Variants in MACROD2 observed in about 807,000 individuals in gnomAD.
The protein encoded by MACROD2 is ADP-ribose glycohydrolase MACROD2.
In MACROD2, 36 loss-of-function variants were observed where a neutral mutation model predicts 70.4. The observed-to-expected ratio is 0.51, with a 90% CI of 0.39 to 0.68. The LOEUF (loss-of-function observed/expected upper bound fraction) is 0.68. Among genes scored for constraint, MACROD2 ranks in the 30% least tolerant of loss-of-function variants. MACROD2 has a pLI of 0.00. For synonymous variants in MACROD2, 172 were observed against 178.8 expected, an observed-to-expected ratio of 0.96 and a Z score of 0.30; for missense variants, 496 against 538.4, an observed-to-expected ratio of 0.92 and a Z score of 0.78.
chr20:15,557,737 G>C (rs2048186733), intron 8 of MACROD2, among the ~76,000 whole-genome samples: 1 of 152,206 alleles, frequency 6.6e-6, no homozygotes, highest in Non-Finnish European at 1.5e-5. Context: ...AACACAGAGA[G>C]TACAGAAGGG....
intron 5 of MACROD2, among the ~76,000 whole-genome samples, chr20:15,197,387 G>A (rs868678820): frequency 2.0e-5 from 3 of 151,972 alleles, no homozygotes; most frequent in South Asian, 2.1e-4. Flanking sequence ...TATTCTTAGC[G>A]TTTTAAACAG....
chr20:15,974,624 A>C (rs893394931), intron 13 of MACROD2, among the ~76,000 whole-genome samples: 4 of 152,130 alleles, frequency 2.6e-5, no homozygotes, highest in Non-Finnish European at 5.9e-5. Flanking sequence ...GCCAAAACCC[A>C]TAGAATGTAC....
chr20:15,395,613 C>G lies in MACROD2; in HGVS notation c.541-35792C>G, dbSNP rs944725214. On this transcript the variant is annotated intron_variant, in intron 6 of 17. Coordinates refer to ENST00000684519, the MANE Select transcript of MACROD2 (RefSeq NM_001351661.2). Reference sequence around the variant, plus strand: ...ATAAATGAATGAGCCTGGCTGTGTTCCAATAAAACTTTATTTACAAAAAGC... The same window carrying G: ...ATAAATGAATGAGCCTGGCTGTGTTGCAATAAAACTTTATTTACAAAAAGC... Among the ~76,000 whole-genome samples, 17 of 152,228 alleles carry G rather than the reference C, an allele frequency of 1.1e-4. No individual in the cohort carries two copies. The East Asian group carries it at 3.3e-3, about 29-fold the overall frequency.
At chr20:15,570,304 A>G (rs1174436639) in intron 8 of MACROD2, among the ~76,000 whole-genome samples, 3 of 152,106 alleles carry the variant, frequency 2.0e-5, no homozygotes, top group Non-Finnish European at 4.4e-5. Context: ...AGTGATGTTG[A>G]GCATTTCTTC....
At chr20:14,650,550 T>C (rs1985626216) in intron 4 of MACROD2, among the ~76,000 whole-genome samples, 1 of 152,214 alleles carries the variant, frequency 6.6e-6, no homozygotes, top group African/African-American at 2.4e-5. Flanking sequence ...TAATTATCAT[T>C]CTTCTTACAA....
At chr20:14,780,199 A>G (rs957504383) in intron 5 of MACROD2, among the ~76,000 whole-genome samples, 4 of 152,124 alleles carry the variant, frequency 2.6e-5, no homozygotes, top group African/African-American at 7.3e-5. Flanking sequence ...GTTTCAAAAA[A>G]GCAAAAACAA....
At chr20:15,362,170 C>G (rs2078360130) in intron 6 of MACROD2, among the ~76,000 whole-genome samples, 1 of 152,046 alleles carries the variant, frequency 6.6e-6, no homozygotes, top group African/African-American at 2.4e-5. Flanking sequence ...CACCACCACA[C>G]CCAGTGAGTT....
At chr20:14,838,866 T>TCC (rs1364355666) in intron 5 of MACROD2, among the ~76,000 whole-genome samples, 1 of 151,978 alleles carries the variant, frequency 6.6e-6, no homozygotes, top group Admixed American at 6.6e-5. Flanking sequence ...TCCCCTTCAC[T>TCC]CCCCAGAACT....
chr20:15,588,415 ATT>A, intron 8 of MACROD2, among the ~76,000 whole-genome samples: 1 of 152,272 alleles, frequency 6.6e-6, no homozygotes, highest in African/African-American at 2.4e-5. Context: ...GGTCTTAGGG[ATT>A]AACATTAGGC....
chr20:15,919,748 G>GA (rs1000078597), intron 10 of MACROD2, among the ~76,000 whole-genome samples: 3 of 150,696 alleles, frequency 2.0e-5, no homozygotes, highest in Admixed American at 6.6e-5. Context: ...AAGAAGAAGG[G>GA]AAAAAAAAGG....
At chr20:15,077,236 G>A (rs1300254833) in intron 5 of MACROD2, among the ~76,000 whole-genome samples, 1 of 151,664 alleles carries the variant, frequency 6.6e-6, no homozygotes, top group Admixed American at 6.6e-5. Flanking sequence ...TTTCCACTTG[G>A]CCACATTATT....
At chr20:15,054,783 CT>C (rs1228126949) in intron 5 of MACROD2, among the ~76,000 whole-genome samples, 1 of 151,708 alleles carries the variant, frequency 6.6e-6, no homozygotes, top group Non-Finnish European at 1.5e-5. Context: ...ATACCCACAA[CT>C]TTTTTTTGTT....
At chr20:15,824,908 C>A (rs2063980249) in intron 8 of MACROD2, among the ~76,000 whole-genome samples, 1 of 152,140 alleles carries the variant, frequency 6.6e-6, no homozygotes, top group African/African-American at 2.4e-5. Context: ...AGATAAATTT[C>A]TTTCTGAGAG....
intron 2 of MACROD2, among the ~76,000 whole-genome samples, chr20:14,050,683 C>T (rs895489456): frequency 1.1e-4 from 16 of 152,248 alleles, no homozygotes; most frequent in African/African-American, 3.1e-4. Context: ...AATATAATAA[C>T]CTCAGAGAGA....
intron 5 of MACROD2, among the ~76,000 whole-genome samples, chr20:15,170,073 A>G (rs544824112): frequency 6.6e-6 from 1 of 152,324 alleles, no homozygotes; most frequent in East Asian, 1.9e-4. Flanking sequence ...ATCAGTAGTT[A>G]ATAGAATTGG....
chr20:15,224,240 C>A (rs1312810465), intron 5 of MACROD2, among the ~76,000 whole-genome samples: 2 of 152,184 alleles, frequency 1.3e-5, no homozygotes, highest in Non-Finnish European at 2.9e-5. Flanking sequence ...GTTAAACCAC[C>A]ACGTTTTGTG....
chr20:14,854,141 G>A lies in MACROD2; in HGVS notation c.418+169182G>A, dbSNP rs559195304. The stretch of plus-strand genomic sequence containing the variant: ...TGATTTTTGTCCGTGAGTTCAGGGA[G>A]GCACCAATCAGAGAATGTCGATAGC... On this transcript the variant is annotated intron_variant, in intron 5 of 17. Transcript: ENST00000684519. Among the ~76,000 whole-genome samples, 7 of 152,224 alleles carry A rather than the reference G, an allele frequency of 4.6e-5. No homozygotes were observed. In the East Asian group the frequency reaches 1.4e-3, roughly 29 times the overall value.
At chr20:14,843,335 AT>A (rs1048535594) in intron 5 of MACROD2, among the ~76,000 whole-genome samples, 9 of 151,562 alleles carry the variant, frequency 5.9e-5, no homozygotes, top group Non-Finnish European at 1.0e-4. Flanking sequence ...GTTTGTATAT[AT>A]TTTATTATAT....
chr20:15,358,451 T>G (rs1374666036), intron 6 of MACROD2, among the ~76,000 whole-genome samples: 4 of 152,228 alleles, frequency 2.6e-5, no homozygotes, highest in South Asian at 2.1e-4. Context: ...TCAATTTTTT[T>G]TTTAAGTTTT....
Sources: gnomAD v4.1 joint callset for allele counts (sites outside exome capture counted in the v4.1 genomes callset) on GRCh38, gnomAD v4.1.1 for gene constraint, MANE v1.5 for transcripts, NCBI Gene and HGNC (gene_info 2026-07-23, HGNC 2026-07-21) for gene names.